The following VAV3 variants were observed in gnomAD, a reference collection of about 807,000 sequenced individuals.
VAV3 encodes vav guanine nucleotide exchange factor 3.
Under a neutral mutation model 131.2 loss-of-function variants are expected in VAV3, and 94 were observed. The ratio of observed to expected loss-of-function variants is 0.72; its 90% CI spans 0.61 to 0.85. The LOEUF (loss-of-function observed/expected upper bound fraction) is 0.85. Among genes scored for constraint, VAV3 ranks in the 40% least tolerant of loss-of-function variants. VAV3 has a pLI of 0.00. For missense variants in VAV3, 939 were observed against 1,002.7 expected (o/e 0.94, Z 0.86); for synonymous variants, 349 against 342.0 (o/e 1.02, Z -0.22).
intron 22 of VAV3, among the ~76,000 whole-genome samples, chr1:107,608,226 C>T (rs1027508654): frequency 6.6e-6 from 1 of 152,084 alleles, no homozygotes; most frequent in Non-Finnish European, 1.5e-5. Flanking sequence ...GGTACAAAAC[C>T]TACCTTCGGG....
rs752422079 is a variant in VAV3 at position 107,573,261 on chromosome 1, G to A, written c.*70C>T. 2.0e-5 allele frequency: 31 copies of A among 1,551,792 alleles called. No individual in the cohort carries two copies. Among genetic ancestry groups the A allele is most frequent in the Non-Finnish European group, 2.6e-5 (30 of 1,137,182 alleles). ...TTTTTAAACACTTCAGTTAATTCAC[G>A]ATGCTGTGCAGGCTTCTATTTATCC... is the stretch of plus-strand genomic sequence containing the variant. On this transcript the variant is annotated 3_prime_UTR_variant, in exon 27 of 27. Transcript: ENST00000370056.
At chr1:107,614,287 T>C (rs1652975527) in intron 21 of VAV3, among the ~76,000 whole-genome samples, 1 of 152,054 alleles carries the variant, frequency 6.6e-6, no homozygotes, top group South Asian at 2.1e-4. Flanking sequence ...TATCAGAATT[T>C]TTGAGGAGAT....
chr1:107,573,198 G>C lies in VAV3; in HGVS notation c.*133C>G. On this transcript the variant is annotated 3_prime_UTR_variant, in exon 27 of 27. Transcript: ENST00000370056. ...ATCTCAGCATTAAGACTTAGGAGGG[G>C]CTAAGGAGGGAGGATGTTGAACAGC... 1.1e-6 allele frequency: 1 copy of C among 923,760 alleles called. No homozygotes were observed. Among genetic ancestry groups the C allele is most frequent in the Non-Finnish European group, 1.6e-6 (1 of 609,556 alleles). The allele number at this position is 923,760 out of a possible 1,614,324, so 57.2% of individuals were successfully genotyped here. A position where few individuals can be genotyped will look rare whatever the true frequency, so the allele number is the denominator to read the frequency against.
intron 2 of VAV3, among the ~76,000 whole-genome samples, chr1:107,828,804 GC>G (rs1456851463): frequency 6.6e-6 from 1 of 151,950 alleles, no homozygotes; most frequent in African/African-American, 2.4e-5. Context: ...AGTCCTTTTT[GC>G]CATGTAAGGT....
chr1:107,605,410 C>T (rs1462881892), intron 22 of VAV3, among the ~76,000 whole-genome samples: 1 of 152,176 alleles, frequency 6.6e-6, no homozygotes, highest in African/African-American at 2.4e-5. Context: ...TCTCCCACTG[C>T]TTCCTCGCTT....
At chr1:107,753,006 AATAAT>A (rs1663831271) in intron 12 of VAV3, among the ~76,000 whole-genome samples, 1 of 152,214 alleles carries the variant, frequency 6.6e-6, no homozygotes, top group African/African-American at 2.4e-5. Context: ...CTGTGACAAT[AATAAT>A]ATAACAGTAT....
chr1:107,731,333 T>C (rs1489304971), intron 15 of VAV3, among the ~76,000 whole-genome samples: 1 of 152,228 alleles, frequency 6.6e-6, no homozygotes, highest in African/African-American at 2.4e-5. Context: ...AAACTTTCAA[T>C]GTATCCACAC....
At chr1:107,642,370 C>G (rs1470303229) in intron 20 of VAV3, among the ~76,000 whole-genome samples, 1 of 152,140 alleles carries the variant, frequency 6.6e-6, no homozygotes, top group East Asian at 1.9e-4. Context: ...CCAATATGAT[C>G]TAAAAAGGGG....
intron 20 of VAV3, among the ~76,000 whole-genome samples, chr1:107,626,710 T>C (rs1654043896): frequency 6.6e-6 from 1 of 152,162 alleles, no homozygotes; most frequent in Non-Finnish European, 1.5e-5. Flanking sequence ...GTTTGAGACA[T>C]CATGAAGAAA....
At chr1:107,872,873 C>T (rs1407825881) in intron 2 of VAV3, among the ~76,000 whole-genome samples, 2 of 152,132 alleles carry the variant, frequency 1.3e-5, no homozygotes, top group Non-Finnish European at 2.9e-5. Flanking sequence ...ACTGAACAGA[C>T]TGCATATTTT....
chr1:107,885,796 G>A (rs1266700519), intron 1 of VAV3, among the ~76,000 whole-genome samples: 1 of 152,088 alleles, frequency 6.6e-6, no homozygotes, highest in Non-Finnish European at 1.5e-5. Context: ...CCACACTGTT[G>A]GCTCCCAAAC....
At chr1:107,642,947 CAT>C (rs1655460399) in intron 19 of VAV3, among the ~76,000 whole-genome samples, 192 bp from the exon 20 acceptor site, 1 of 152,114 alleles carries the variant, frequency 6.6e-6, no homozygotes, top group African/African-American at 2.4e-5. Flanking sequence ...GAATAAGACA[CAT>C]ATTTATCCCA....
chr1:107,821,703 G>A (rs753167107), intron 2 of VAV3, among the ~76,000 whole-genome samples: 1 of 152,200 alleles, frequency 6.6e-6, no homozygotes, highest in East Asian at 1.9e-4. Flanking sequence ...AGTGCACAGT[G>A]TGAGATGAAC....
intron 2 of VAV3, among the ~76,000 whole-genome samples, chr1:107,841,107 G>A (rs1668685033): frequency 6.6e-6 from 1 of 152,062 alleles, no homozygotes; most frequent in African/African-American, 2.4e-5. Context: ...ATGATGATGG[G>A]AGTTCCATTA....
chr1:107,879,266 C>A (rs1028343082), intron 1 of VAV3, among the ~76,000 whole-genome samples: 1 of 152,186 alleles, frequency 6.6e-6, no homozygotes, highest in Non-Finnish European at 1.5e-5. Context: ...AACCACCATG[C>A]TGCTCCTAGA....
intron 2 of VAV3, among the ~76,000 whole-genome samples, chr1:107,829,641 T>C (rs965828966): frequency 6.6e-6 from 1 of 152,174 alleles, no homozygotes; most frequent in African/African-American, 2.4e-5. Context: ...CAGTCACAAG[T>C]AGCTTAACAA....
At chr1:107,909,899 C>T (rs1672288255) in intron 1 of VAV3, among the ~76,000 whole-genome samples, 1 of 152,128 alleles carries the variant, frequency 6.6e-6, no homozygotes, top group South Asian at 2.1e-4. Flanking sequence ...GCTTGCTCAG[C>T]TTCACATTCC....
At chr1:107,871,927 C>T (rs1670271912) in intron 2 of VAV3, among the ~76,000 whole-genome samples, 1 of 152,172 alleles carries the variant, frequency 6.6e-6, no homozygotes, top group Admixed American at 6.5e-5. Flanking sequence ...CTTTAACCAC[C>T]ACTGGGCTGC....
chr1:107,663,819 A>T (rs1202379800), intron 19 of VAV3, among the ~76,000 whole-genome samples: 1 of 152,198 alleles, frequency 6.6e-6, no homozygotes, highest in African/African-American at 2.4e-5. Context: ...AGTGGTTGAT[A>T]TTAGAGACAA....
Sources: gnomAD v4.1 joint callset for allele counts (sites outside exome capture counted in the v4.1 genomes callset) on GRCh38, gnomAD v4.1.1 for gene constraint, MANE v1.5 for transcripts, NCBI Gene and HGNC (gene_info 2026-07-23, HGNC 2026-07-21) for gene names.